The following CCDC171 variants were observed in gnomAD, a reference collection of about 807,000 sequenced individuals.
CCDC171 encodes coiled-coil domain-containing protein 171.
A neutral mutation model predicts 168.2 loss-of-function variants in CCDC171; 177 were observed. That is an observed-to-expected ratio of 1.05 (90% CI 0.93 to 1.19). The LOEUF (loss-of-function observed/expected upper bound fraction) is 1.19. CCDC171 is among the 50% of genes most tolerant of loss of function. CCDC171 has a pLI of 0.00. For missense variants in CCDC171, 1,991 were observed against 1,539.0 expected (o/e 1.29, Z -4.91); for synonymous variants, 687 against 540.8 (o/e 1.27, Z -3.75).
chr9:15,975,776 G>A (rs545794446), downstream of CCDC171, among the ~76,000 whole-genome samples: 1 of 152,278 alleles, frequency 6.6e-6, no homozygotes, highest in East Asian at 1.9e-4. Flanking sequence ...TAGTGTAGTA[G>A]GCTGAATAAT....
In CCDC171 at chr9:16,018,167, G is replaced by C. The variant is rs562987255; in HGVS notation, n.369-2422G>C. ...ATCTCCCATATCCACCCATGTGTTTGTGATGCTTGTTAGCCTATTAGATGA... is the reference window on the plus strand; with the variant it reads ...ATCTCCCATATCCACCCATGTGTTTCTGATGCTTGTTAGCCTATTAGATGA... On this transcript the variant is annotated intron_variant and non_coding_transcript_variant, in intron 3 of 9. Coordinates refer to the CCDC171 transcript ENST00000486641. Among the ~76,000 whole-genome samples the C allele has an allele frequency of 1.0e-3, 153 of 152,290 alleles. 1 individual carries two copies. The highest frequency in any genetic ancestry group is 3.3e-3 in the African/African-American group (139 of 41,568).
chr9:15,764,290 G>C (rs994111762), intron 18 of CCDC171, among the ~76,000 whole-genome samples: 2 of 152,214 alleles, frequency 1.3e-5, no homozygotes, highest in African/African-American at 2.4e-5. Flanking sequence ...AGAATGACAA[G>C]ATGTGATTTA....
chr9:16,032,237 G>C (rs548473279), intron 6 of CCDC171, among the ~76,000 whole-genome samples: 1 of 152,160 alleles, frequency 6.6e-6, no homozygotes, highest in Non-Finnish European at 1.5e-5. Context: ...TGCTGGCAGA[G>C]GAATGCATTT....
intron 1 of CCDC171, among the ~76,000 whole-genome samples, chr9:16,058,393 G>A (rs1224921180): frequency 6.6e-6 from 1 of 152,120 alleles, no homozygotes; most frequent in Non-Finnish European, 1.5e-5. Flanking sequence ...TTACCCTGCA[G>A]TGACAGCAGG....
At chr9:15,791,259 C>G (rs2058245152) in intron 21 of CCDC171, among the ~76,000 whole-genome samples, 1 of 151,946 alleles carries the variant, frequency 6.6e-6, no homozygotes, top group African/African-American at 2.4e-5. Context: ...TGTTTGTGTC[C>G]TCTTTTATTT....
chr9:16,096,215 T>A, the CCDC171 span, among the ~76,000 whole-genome samples: 2 of 152,164 alleles, frequency 1.3e-5, no homozygotes, highest in Non-Finnish European at 2.9e-5. Flanking sequence ...CAAGAAGATC[T>A]CTTGTGTATG....
downstream of CCDC171, among the ~76,000 whole-genome samples, chr9:15,975,326 A>G (rs1831587273): frequency 6.6e-6 from 1 of 152,198 alleles, no homozygotes; most frequent in African/African-American, 2.4e-5. Flanking sequence ...TTATTTTGAA[A>G]CACTGCTAGT....
the CCDC171 span, among the ~76,000 whole-genome samples, chr9:16,098,715 A>G: frequency 2.0e-5 from 3 of 152,238 alleles, no homozygotes; most frequent in African/African-American, 7.2e-5. Context: ...CTCAATTCAC[A>G]ACCAGTGTTT....
intron 25 of CCDC171, 50 bp downstream of exon 25, chr9:15,920,472 C>G (rs779528403): frequency 2.9e-5 from 38 of 1,300,246 alleles, no homozygotes; most frequent in Non-Finnish European, 4.1e-5. Context: ...TCTTGGGTTA[C>G]ATTTACATTT....
intron 10 of CCDC171, among the ~76,000 whole-genome samples, chr9:15,679,619 A>G (rs1462946964): frequency 1.3e-5 from 2 of 152,152 alleles, no homozygotes; most frequent in African/African-American, 4.8e-5. Context: ...GTGCAACCCT[A>G]GCTCACTGAA....
At chr9:15,734,381 A>G (rs2054347587) in intron 16 of CCDC171, among the ~76,000 whole-genome samples, 1 of 152,144 alleles carries the variant, frequency 6.6e-6, no homozygotes, top group Admixed American at 6.5e-5. Context: ...TACTAAAAGT[A>G]CAAAAAATTA....
At chr9:15,807,359 G>A (rs1257470655) in intron 21 of CCDC171, among the ~76,000 whole-genome samples, 1 of 152,100 alleles carries the variant, frequency 6.6e-6, no homozygotes, top group Admixed American at 6.5e-5. Flanking sequence ...ATTGATTGCT[G>A]GGCATTGTGT....
At position 15,639,996 on chromosome 9, in the gene CCDC171, G is replaced by A. The variant is rs190225444; in HGVS notation, c.822+16583G>A. On this transcript the variant is annotated intron_variant, in intron 7 of 25. Transcript: ENST00000380701. ...GTGTCAGGACTCGTTTTGGCCTTTGGGCCAAGGACCTAGTATGGCATCTGG... is the reference window on the plus strand; with the variant it reads ...GTGTCAGGACTCGTTTTGGCCTTTGAGCCAAGGACCTAGTATGGCATCTGG... 1.8e-3 allele frequency among the ~76,000 whole-genome samples: 272 copies of A among 152,134 alleles called. 1 individual carries two copies. The highest frequency in any genetic ancestry group is 0.014 in the Middle Eastern group (4 of 294).
intron 7 of CCDC171, among the ~76,000 whole-genome samples, chr9:15,631,446 CAT>C (rs1160986182): frequency 6.6e-6 from 1 of 152,190 alleles, no homozygotes; most frequent in Non-Finnish European, 1.5e-5. Context: ...TTCTTGGACA[CAT>C]ACACCCACCC....
At chr9:15,957,057 G>A (rs1276358218) in intron 25 of CCDC171, among the ~76,000 whole-genome samples, 1 of 145,354 alleles carries the variant, frequency 6.9e-6, no homozygotes, top group African/African-American at 2.6e-5. Flanking sequence ...GGAGCTTAAT[G>A]TATCACTATA....
rs528792062 is a variant in CCDC171, at chr9:15,569,016, T to G, written c.42-2608T>G. On this transcript the variant is annotated intron_variant, in intron 2 of 25. Coordinates refer to ENST00000380701, the MANE Select transcript of CCDC171 (RefSeq NM_173550.4). ...TATTGCCTAGGTTGTCTTTCAGGGA[T>G]TTTTATAGTCAAACATATTTGTTAG... is the stretch of plus-strand genomic sequence containing the variant. Among the ~76,000 whole-genome samples, 65 of 152,330 alleles carry G rather than the reference T, an allele frequency of 4.3e-4. 1 individual carries two copies. The Middle Eastern group carries it at 0.01, about 24-fold the overall frequency.
At chr9:15,635,120 A>G (rs1445939634) in intron 7 of CCDC171, among the ~76,000 whole-genome samples, 1 of 152,016 alleles carries the variant, frequency 6.6e-6, no homozygotes, top group Non-Finnish European at 1.5e-5. Flanking sequence ...TGTGAAGGGG[A>G]GTTTGTTAGG....
the CCDC171 span, among the ~76,000 whole-genome samples, chr9:16,083,418 T>A: frequency 6.6e-6 from 1 of 152,194 alleles, no homozygotes; most frequent in Non-Finnish European, 1.5e-5. Context: ...GAACCAAAGT[T>A]GGAAACAGTA....
At chr9:15,645,174 T>C (rs2046941896) in intron 7 of CCDC171, among the ~76,000 whole-genome samples, 1 of 152,168 alleles carries the variant, frequency 6.6e-6, no homozygotes, top group African/African-American at 2.4e-5. Context: ...GACCTGCAGC[T>C]GAGGGTCCTG....
Sources: allele counts gnomAD v4.1 joint callset (sites outside exome capture counted in the v4.1 genomes callset), GRCh38; gene constraint gnomAD v4.1.1; transcripts MANE v1.5; gene names NCBI Gene and HGNC (gene_info 2026-07-23, HGNC 2026-07-21).